ANKHD1: variants seen among roughly 807,000 people sequenced by gnomAD.
The protein encoded by ANKHD1 is ankyrin repeat and KH domain containing 1.
ANKHD1 carries 31 observed loss-of-function variants against 230.5 expected under a neutral mutation model. The ratio of observed to expected loss-of-function variants is 0.13; its 90% CI spans 0.10 to 0.18. The LOEUF (loss-of-function observed/expected upper bound fraction) is 0.18. Ranked by LOEUF, ANKHD1 falls within the 10% of genes least tolerant of loss-of-function variation. ANKHD1 has a pLI of 1.00. For missense variants in ANKHD1, 2,256 were observed against 3,071.3 expected (o/e 0.73, Z 6.27); for synonymous variants, 1,074 against 1,117.6 (o/e 0.96, Z 0.78).
At position 140,445,752 on chromosome 5, in the gene ANKHD1, G is replaced by A. The variant is rs369958047; in HGVS notation, c.924G>A (p.Ala308=). ...VNSQSATGNT[A]LTYACAGGFV... ...TCTTCTTCTTTTTAGGAAACACTGC[G>A]CTAACTTATGCATGTGCTGGAGGAT... The change falls in exon 6 of 34, where the codon GCG becomes GCA. Residue 308 remains alanine, a synonymous_variant. Transcript: ENST00000360839. 1.9e-5 allele frequency: 31 copies of A among 1,590,686 alleles called. No individual in the cohort carries two copies. The highest frequency in any genetic ancestry group is 4.5e-5 in the East Asian group (2 of 44,278).
At chr5:140,441,497 T>C (rs1189184888) in intron 5 of ANKHD1, among the ~76,000 whole-genome samples, 1 of 148,652 alleles carries the variant, frequency 6.7e-6, no homozygotes, top group Non-Finnish European at 1.5e-5. Flanking sequence ...ATGATCTCAC[T>C]TTTTTTTTTC....
At chr5:140,484,882 G>A in intron 11 of ANKHD1, 1 of 436,400 alleles carries the variant, frequency 2.3e-6, no homozygotes, top group Non-Finnish European at 3.5e-6. Context: ...GCTGGGTAGT[G>A]ACTGAAAGGG....
intron 31 of ANKHD1, 71 bp downstream of exon 31, chr5:140,537,660 T>A: frequency 2.0e-6 from 3 of 1,468,572 alleles, no homozygotes; most frequent in Non-Finnish European, 2.7e-6. Flanking sequence ...AAAACTTAGT[T>A]CCTTAGAAAA....
In ANKHD1 at chr5:140,497,238, A is replaced by G. The variant is rs1160674755; in HGVS notation, c.2964A>G (p.Pro988=). 3.7e-6 allele frequency: 6 copies of G among 1,607,876 alleles called. No homozygotes were observed. Among genetic ancestry groups the G allele is most frequent in the Non-Finnish European group, 5.1e-6 (6 of 1,179,938 alleles). The change falls in exon 15 of 34, where the codon CCA becomes CCG. Residue 988 remains proline (P), a synonymous_variant. Transcript: ENST00000360839. ...QEPDGLMVAT[P]AQTLTDTLDD... ...CAGATGGACTAATGGTTGCAACTCC[A>G]GCTCAGACGCTTACCGACACTCTTG...
intron 3 of ANKHD1, among the ~76,000 whole-genome samples, chr5:140,438,948 T>G (rs911791490): frequency 9.9e-5 from 15 of 152,206 alleles, no homozygotes; most frequent in African/African-American, 3.6e-4. Context: ...AACCGAGTGC[T>G]TGAGTACTAA....
intron 1 of ANKHD1, among the ~76,000 whole-genome samples, chr5:140,425,467 C>G (rs1326139007): frequency 6.6e-6 from 1 of 152,126 alleles, no homozygotes; most frequent in Non-Finnish European, 1.5e-5. Context: ...CCCTGTTGCC[C>G]AGGCTGGTTT....
intron 6 of ANKHD1, among the ~76,000 whole-genome samples, chr5:140,446,663 C>T (rs559560132): frequency 6.6e-6 from 1 of 152,172 alleles, no homozygotes; most frequent in African/African-American, 2.4e-5. Flanking sequence ...AGCCAGCACA[C>T]CCAGCTAAAG....
At chr5:140,520,929 T>TTA (rs1753321124) in intron 24 of ANKHD1, among the ~76,000 whole-genome samples, 1 of 112,848 alleles carries the variant, frequency 8.9e-6, no homozygotes, top group African/African-American at 3.3e-5. Flanking sequence ...TAAAGTATAA[T>TTA]AAAAAAAAAA....
chr5:140,527,355 G>T lies in ANKHD1; in HGVS notation c.5087+281G>T. Reference sequence around the variant, plus strand: ...TTCTCTTGCTTTTTTTCTTTCTCATGTCTCAGTAATTCTAGAACTAAAGTA... The same window carrying T: ...TTCTCTTGCTTTTTTTCTTTCTCATTTCTCAGTAATTCTAGAACTAAAGTA... On this transcript the variant is annotated intron_variant, in intron 27 of 33. Transcript: ENST00000360839. This position sits in a 1 kb window ranked among gnomAD's most constrained non-coding sequence, Gnocchi z 4.5. 3.3e-6 allele frequency: 1 copy of T among 304,348 alleles called. No homozygotes were observed. The highest frequency in any genetic ancestry group is 2.2e-5 in the African/African-American group (1 of 45,152). The allele number at this position is 304,348 out of a possible 1,614,324, so 18.9% of individuals were successfully genotyped here.
chr5:140,447,019 C>T (rs1250848970), intron 6 of ANKHD1, among the ~76,000 whole-genome samples: 3 of 152,082 alleles, frequency 2.0e-5, no homozygotes, highest in Non-Finnish European at 4.4e-5. Context: ...AAGTGATTCT[C>T]CTGTCTCAGC....
chr5:140,516,889 C>G (rs1753038487), intron 24 of ANKHD1, among the ~76,000 whole-genome samples: 1 of 151,634 alleles, frequency 6.6e-6, no homozygotes, highest in Non-Finnish European at 1.5e-5. Flanking sequence ...AACTAACGAG[C>G]AAAATAAACA....
intron 14 of ANKHD1, 57 bp from the exon 15 acceptor site, chr5:140,496,461 CTT>C (rs770445733): frequency 0.045 from 22,378 of 502,008 alleles, 21 homozygotes; most frequent in African/African-American, 0.082. Flanking sequence ...TTTTTCTTTT[CTT>C]TTTTTTTTTT....
intron 7 of ANKHD1, among the ~76,000 whole-genome samples, chr5:140,450,200 A>G (rs768452820): frequency 2.0e-5 from 3 of 152,236 alleles, no homozygotes; most frequent in Non-Finnish European, 4.4e-5. Flanking sequence ...TAAGCTCATC[A>G]TTACACATGT....
intron 1 of ANKHD1, among the ~76,000 whole-genome samples, chr5:140,424,635 T>C (rs750245283): frequency 7.2e-5 from 11 of 152,074 alleles, no homozygotes; most frequent in Non-Finnish European, 1.3e-4. Flanking sequence ...ACCTAAGAAA[T>C]GGGAGGGATT....
At chr5:140,474,377 T>C (rs1316834613) in intron 10 of ANKHD1, among the ~76,000 whole-genome samples, 1 of 152,186 alleles carries the variant, frequency 6.6e-6, no homozygotes, top group Non-Finnish European at 1.5e-5. Flanking sequence ...CCTTAGAGAA[T>C]GTCCTCCCTC....
In ANKHD1 at chr5:140,459,349, G is replaced by T. The variant is rs769191603; in HGVS notation, c.1666G>T (p.Ala556Ser). ...GHLELVKYLL[A>S]SGANVHATTA... ...CCTGGAATTGGTTAAATATTTGCTG[G>T]CTTCTGGTATGTGGCTTTAAGATGC... Residue 556 changes from alanine (A) to serine (S), a missense_variant, in exon 9 of 34, where the codon GCT (alanine) becomes TCT (serine). This residue lies in a region of ANKHD1 where 179 missense variants were observed against 261.8 expected (regional missense o/e 0.68). Transcript: ENST00000360839. The T allele has an allele frequency of 2.6e-6, 4 of 1,564,218 alleles. No individual in the cohort carries two copies. Among genetic ancestry groups the T allele is most frequent in the Non-Finnish European group, 3.5e-6 (4 of 1,148,946 alleles).
Position 140,417,200 on chromosome 5 carries a change from T to C in ANKHD1, c.306+14927T>C, listed in dbSNP as rs1261176074. On this transcript the variant is annotated intron_variant, in intron 1 of 33. Transcript: ENST00000360839. The stretch of plus-strand genomic sequence containing the variant: ...TTGTGAGTGATCAGGATATGTCGTA[T>C]ATTGATTAAATGCTAGAAAGAATAT... 4.6e-5 allele frequency among the ~76,000 whole-genome samples: 7 copies of C among 151,966 alleles called. No homozygotes were observed. The South Asian group carries it at 1.4e-3, about 31-fold the overall frequency.
chr5:140,537,714 G>GTTA, intron 31 of ANKHD1, 125 bp downstream of exon 31: 1 of 1,372,268 alleles, frequency 7.3e-7, no homozygotes. Context: ...CACTCAATTA[G>GTTA]GGAAGGGTGT....
chr5:140,523,650 T>A (rs1228326908), intron 24 of ANKHD1, among the ~76,000 whole-genome samples: 4 of 151,764 alleles, frequency 2.6e-5, no homozygotes, highest in Non-Finnish European at 5.9e-5. Context: ...AACCTCTGTC[T>A]CCCAGGTTCA....
Sources: allele counts gnomAD v4.1 joint callset (sites outside exome capture counted in the v4.1 genomes callset), GRCh38; gene constraint gnomAD v4.1.1; regional missense constraint gnomAD v4.1.1; non-coding constraint Gnocchi (gnomAD v3.1); transcripts MANE v1.5; gene names NCBI Gene and HGNC (gene_info 2026-07-23, HGNC 2026-07-21).